The following MYT1L variants were observed in gnomAD, a reference collection of about 807,000 sequenced individuals.
MYT1L encodes myelin transcription factor 1 like, also known as myelin transcription factor 1-like protein.
A neutral mutation model predicts 126.7 loss-of-function variants in MYT1L; 12 were observed. The ratio of observed to expected loss-of-function variants is 0.09; its 90% CI spans 0.06 to 0.15. The LOEUF is 0.15. Ranked by LOEUF, MYT1L falls within the 10% of genes least tolerant of loss-of-function variation. The probability of loss-of-function intolerance (pLI) is 1.00; values close to 1 mark genes in which losing one functional copy is unlikely to be tolerated. For synonymous variants in MYT1L, 541 were observed against 604.2 expected (o/e 0.90, Z 1.53); for missense variants, 979 against 1,585.2 (o/e 0.62, Z 6.49).
chr2:2,298,634 A>C (rs947495440), intron 1 of MYT1L, among the ~76,000 whole-genome samples: 5 of 152,176 alleles, frequency 3.3e-5, no homozygotes, highest in African/African-American at 1.2e-4. Context: ...TTCTGGGAGG[A>C]GTAAAATAAG....
chr2:1,851,257 T>A (rs1320281837), intron 19 of MYT1L, among the ~76,000 whole-genome samples: 1 of 152,224 alleles, frequency 6.6e-6, no homozygotes, highest in Non-Finnish European at 1.5e-5. Context: ...ATCTTAATAT[T>A]TAAGAGACCA....
intron 1 of MYT1L, among the ~76,000 whole-genome samples, chr2:2,289,064 T>A (rs2095561912): frequency 6.6e-6 from 1 of 152,162 alleles, no homozygotes; most frequent in African/African-American, 2.4e-5. Flanking sequence ...AGGTCAAGAT[T>A]CCTTATCACC....
intron 13 of MYT1L, among the ~76,000 whole-genome samples, chr2:1,903,955 G>GCA (rs1558341298): frequency 4.9e-5 from 7 of 143,804 alleles, no homozygotes; most frequent in Non-Finnish European, 9.1e-5. Context: ...GTGTGCGCGT[G>GCA]CGCGCGTGTG....
chr2:2,023,064 T>C (rs1390539261), intron 4 of MYT1L, among the ~76,000 whole-genome samples: 1 of 152,216 alleles, frequency 6.6e-6, no homozygotes, highest in Non-Finnish European at 1.5e-5. Context: ...AAAGGTGTGC[T>C]GCCCACATCT....
At chr2:2,239,944 C>T (rs2094404686) in intron 2 of MYT1L, among the ~76,000 whole-genome samples, 1 of 152,186 alleles carries the variant, frequency 6.6e-6, no homozygotes, top group African/African-American at 2.4e-5. Flanking sequence ...TTGTGCCATT[C>T]TTTCATCCAT....
At chr2:2,025,132 C>G (rs1382200901) in intron 4 of MYT1L, among the ~76,000 whole-genome samples, 1 of 152,174 alleles carries the variant, frequency 6.6e-6, no homozygotes, top group African/African-American at 2.4e-5. Context: ...TTCAGGGGCC[C>G]TGGATGGAGG....
intron 2 of MYT1L, among the ~76,000 whole-genome samples, chr2:2,219,873 G>A (rs765545743): frequency 3.7e-4 from 55 of 147,810 alleles, no homozygotes; most frequent in African/African-American, 1.2e-3. Context: ...AAGTAAAAAC[G>A]GCCTTGCTGA....
At chr2:2,106,466 A>AAGTT (rs1223792050) in intron 3 of MYT1L, among the ~76,000 whole-genome samples, 4 of 151,958 alleles carry the variant, frequency 2.6e-5, no homozygotes, top group South Asian at 2.1e-4. Flanking sequence ...AAAAGTACAA[A>AAGTT]AGTTAGCCAG....
chr2:1,975,729 T>TGGTG, intron 8 of MYT1L, among the ~76,000 whole-genome samples: 6 of 152,134 alleles, frequency 3.9e-5, no homozygotes, highest in African/African-American at 1.4e-4. Flanking sequence ...CTGGGCGTGG[T>TGGTG]GGCGCACACT....
chr2:2,292,623 C>T (rs2095616391), intron 1 of MYT1L, among the ~76,000 whole-genome samples: 1 of 152,186 alleles, frequency 6.6e-6, no homozygotes, highest in South Asian at 2.1e-4. Context: ...CAGACATAGC[C>T]GTCTGTGTGG....
At chr2:2,243,940 C>A (rs2094484328) in intron 2 of MYT1L, among the ~76,000 whole-genome samples, 1 of 152,090 alleles carries the variant, frequency 6.6e-6, no homozygotes, top group African/African-American at 2.4e-5. Flanking sequence ...GCAGAAAGAC[C>A]ACATGCAGGA....
chr2:2,133,060 T>G (rs750573625), intron 3 of MYT1L, among the ~76,000 whole-genome samples: 2 of 152,148 alleles, frequency 1.3e-5, no homozygotes, highest in Non-Finnish European at 1.5e-5. Context: ...ATGTTCCTCC[T>G]GTACACACCG....
chr2:1,838,431 C>T (rs947317337), intron 21 of MYT1L, among the ~76,000 whole-genome samples: 1 of 152,122 alleles, frequency 6.6e-6, no homozygotes, highest in Non-Finnish European at 1.5e-5. Context: ...GCATATAGGG[C>T]AGCAGAAAGG....
chr2:2,317,453 ACTG>A (rs748968473), intron 1 of MYT1L, among the ~76,000 whole-genome samples: 14 of 152,002 alleles, frequency 9.2e-5, no homozygotes, highest in Non-Finnish European at 1.5e-4. Context: ...GAGGCAGAAA[ACTG>A]CAATCATTTG....
At chr2:2,214,119 A>G (rs1327613511) in intron 2 of MYT1L, among the ~76,000 whole-genome samples, 5 of 152,088 alleles carry the variant, frequency 3.3e-5, no homozygotes, top group African/African-American at 1.2e-4. Context: ...AGACATAACA[A>G]TTGAAATTAT....
chr2:2,295,318 G>A (rs1390962464), intron 1 of MYT1L, among the ~76,000 whole-genome samples: 1 of 152,214 alleles, frequency 6.6e-6, no homozygotes, highest in Non-Finnish European at 1.5e-5. Context: ...AATACACCTG[G>A]AACAGGAGGT....
At chr2:1,872,738 C>T (rs2046421333) in intron 18 of MYT1L, among the ~76,000 whole-genome samples, 1 of 152,194 alleles carries the variant, frequency 6.6e-6, no homozygotes. Flanking sequence ...AACTCCAGGC[C>T]ATTCATGGGC....
intron 3 of MYT1L, among the ~76,000 whole-genome samples, chr2:2,095,126 C>T (rs995965202): frequency 2.6e-5 from 4 of 152,184 alleles, no homozygotes; most frequent in Non-Finnish European, 5.9e-5. Flanking sequence ...AAACAGAGAC[C>T]AAGAAGTGGA....
At chr2:2,295,619 G>GACAGACAGACAGAGAGAGAGAGAT (rs201744569) in intron 1 of MYT1L, among the ~76,000 whole-genome samples, 1 of 63,470 alleles carries the variant, frequency 1.6e-5, no homozygotes, top group African/African-American at 4.6e-5. Context: ...CAGAGAGAGA[G>GACAGACAGACAGAGAGAGAGAGAT]AGAGAGACAG....
Sources: allele counts gnomAD v4.1 joint callset (sites outside exome capture counted in the v4.1 genomes callset), GRCh38; gene constraint gnomAD v4.1.1; transcripts MANE v1.5; gene names NCBI Gene and HGNC (gene_info 2026-07-23, HGNC 2026-07-21).